Variants in ZNF343 observed in about 807,000 individuals in gnomAD.
ZNF343 encodes zinc finger protein 343.
In ZNF343, 11 loss-of-function variants were observed where a neutral mutation model predicts 13.8. The observed-to-expected ratio is 0.80, with a 90% CI of 0.50 to 1.32. The LOEUF (loss-of-function observed/expected upper bound fraction) is 1.32. Among genes scored for constraint, ZNF343 ranks in the 40% most tolerant of loss-of-function variants. ZNF343 has a pLI of 0.00. For missense variants in ZNF343, 658 were observed against 714.2 expected (o/e 0.92, Z 0.90); for synonymous variants, 248 against 260.0 (o/e 0.95, Z 0.44).
intron 2 of ZNF343, among the ~76,000 whole-genome samples, chr20:2,499,252 T>C (rs2085515362): frequency 6.8e-6 from 1 of 146,762 alleles, no homozygotes; most frequent in African/African-American, 2.5e-5. Flanking sequence ...GATCACGAGG[T>C]CAGGAGATCG....
chr20:2,499,203 C>T (rs370373954), intron 2 of ZNF343, among the ~76,000 whole-genome samples: 7 of 146,300 alleles, frequency 4.8e-5, no homozygotes, highest in South Asian at 2.1e-4. Context: ...CGGTGGCTCA[C>T]GCCTGTAATC....
In ZNF343 at chr20:2,483,991, G is replaced by A. The variant is rs773552713; in HGVS notation, c.970C>T (p.Pro324Ser). Residue 324 changes from proline (P) to serine (S), a missense_variant, in exon 6 of 6, where the codon CCT becomes TCT. By Grantham distance (74) the Pro-to-Ser change is moderately conservative. Transcript: ENST00000278772. ...TGCCCACACTCCCTGCACAAATAAGGCTTCTCTTCTGAATGTGTTCTCTGG... is the reference window on the plus strand; with the variant it reads ...TGCCCACACTCCCTGCACAAATAAGACTTCTCTTCTGAATGTGTTCTCTGG... ...RHQRTHSEEK[P>S]YLCRECGQSF... The A allele has an allele frequency of 3.1e-6, 5 of 1,614,144 alleles. No individual in the cohort carries two copies. Among genetic ancestry groups the A allele is most frequent in the Non-Finnish European group, 4.2e-6 (5 of 1,180,030 alleles).
chr20:2,523,667 G>A (rs2122768367), intron 1 of ZNF343, among the ~76,000 whole-genome samples: 1 of 144,308 alleles, frequency 6.9e-6, no homozygotes, highest in East Asian at 2.0e-4. Flanking sequence ...CCACTCCATA[G>A]CTATGTGTAC....
At position 2,483,454 on chromosome 20, in the gene ZNF343, TA is replaced by T; in HGVS notation, c.1506del (p.Phe502LeufsTer109). The T allele has an allele frequency of 6.2e-7, 1 of 1,608,554 alleles. No homozygotes were observed. ...HYVCRECRRG[F>X]SQKSNLIRHQ... The stretch of plus-strand genomic sequence containing the variant: ...TGTCTGATGAGATTTGACTTCTGGC[TA>T]AAACCTCGCCTACACTCCCTGCAGA... On this transcript the variant is annotated frameshift_variant, in exon 6 of 6. Transcript: ENST00000278772. LOFTEE classifies it low-confidence loss of function (END_TRUNC).
intron 1 of ZNF343, among the ~76,000 whole-genome samples, chr20:2,505,554 A>G (rs1015575002): frequency 6.6e-6 from 1 of 152,250 alleles, no homozygotes; most frequent in Non-Finnish European, 1.5e-5. Flanking sequence ...CTACGAGGCT[A>G]CAGTAACCAA....
Position 2,520,608 on chromosome 20 carries a change from T to C in ZNF343, c.-347+3847A>G, listed in dbSNP as rs1298705725. On this transcript the variant is annotated intron_variant, in intron 1 of 6. Transcript: ENST00000358413. Reference sequence around the variant, plus strand: ...TTCATTAATATACTGCTTATTTTATTTTATTTTATTTTACTAGATATGCTC... The same window carrying C: ...TTCATTAATATACTGCTTATTTTATCTTATTTTATTTTACTAGATATGCTC... 2.0e-5 allele frequency among the ~76,000 whole-genome samples: 3 copies of C among 152,176 alleles called. No individual in the cohort carries two copies. The East Asian group carries it at 5.8e-4, about 29-fold the overall frequency.
At chr20:2,510,030 C>G (rs2085728821), upstream of ZNF343, among the ~76,000 whole-genome samples, 1 of 152,218 alleles carries the variant, frequency 6.6e-6, no homozygotes, top group African/African-American at 2.4e-5. Context: ...AGATAGTGCC[C>G]TTATCTCCCT....
rs2085766901 is a variant in ZNF343 at position 2,518,035 on chromosome 20, A to T, written c.-347+6420T>A. Among the ~76,000 whole-genome samples, 1 of 147,344 alleles carries T rather than the reference A, an allele frequency of 6.8e-6. No homozygotes were observed. The highest frequency in any genetic ancestry group is 2.5e-5 in the African/African-American group (1 of 39,770). ...TTTTTCTCTCTTTTTTTTTTTCGAG[A>T]CAGAGTCTCACTCTGTTACCCAGGC... On this transcript the variant is annotated intron_variant, in intron 1 of 6. Transcript: ENST00000358413. The surrounding 1 kb of genome is among the most constrained non-coding windows in gnomAD (Gnocchi z 4.6).
Position 2,492,272 on chromosome 20 carries a change from A to G in ZNF343, c.304+427T>C, listed in dbSNP as rs558041935. ...TACTGGGCAGGTACATCCCTTCATT[A>G]AGGTCTTCGTGTCAATAATTCCCTT... On this transcript the variant is annotated intron_variant, in intron 5 of 5. Transcript: ENST00000278772. Among the ~76,000 whole-genome samples, 6 of 152,116 alleles carry G rather than the reference A, an allele frequency of 3.9e-5. No individual in the cohort carries two copies. The South Asian group carries it at 1.0e-3, about 26-fold the overall frequency.
chr20:2,500,898 G>C (rs1209243066), intron 1 of ZNF343, among the ~76,000 whole-genome samples, 156 bp from the exon 2 acceptor site: 1 of 152,220 alleles, frequency 6.6e-6, no homozygotes, highest in Non-Finnish European at 1.5e-5. Flanking sequence ...CGGAAGACAG[G>C]TGTTTTCTGC....
In ZNF343 at chr20:2,518,326, T is replaced by A. The variant is rs2085768496; in HGVS notation, c.-347+6129A>T. Reference sequence around the variant, plus strand: ...GCCACCGCGCCCAGCCTCAAAGATTTATTTCTATTTGGGAGAATTATAATG... The same window carrying A: ...GCCACCGCGCCCAGCCTCAAAGATTAATTTCTATTTGGGAGAATTATAATG... On this transcript the variant is annotated intron_variant, in intron 1 of 6. Coordinates refer to the ZNF343 transcript ENST00000358413. This position sits in a 1 kb window ranked among gnomAD's most constrained non-coding sequence, Gnocchi z 4.6. Among the ~76,000 whole-genome samples the A allele has an allele frequency of 6.6e-6, 1 of 152,218 alleles. No homozygotes were observed. Among genetic ancestry groups the A allele is most frequent in the Non-Finnish European group, 1.5e-5 (1 of 68,038 alleles).
rs1054693085 is a variant in ZNF343 at position 2,483,717 on chromosome 20, C to G, written c.1244G>C (p.Gly415Ala). Reference sequence around the variant, plus strand: ...ATCTGAGTTCTGGCTAAAGCCTCGCCCACACTCCCTGCAAACATAAGGCTT... The same window carrying G: ...ATCTGAGTTCTGGCTAAAGCCTCGCGCACACTCCCTGCAAACATAAGGCTT... ...GEKPYVCREC[G>A]RGFSQNSDLI... The change falls in exon 6 of 6, where the codon GGG becomes GCG. Residue 415 changes from glycine (G) to alanine (A), a missense_variant. Transcript: ENST00000278772. 5.0e-6 allele frequency: 8 copies of G among 1,613,898 alleles called. No homozygotes were observed. The African/African-American group carries it at 9.3e-5, about 19-fold the overall frequency.
At position 2,518,406 on chromosome 20, in the gene ZNF343, T is replaced by G. The variant is rs1485085775; in HGVS notation, c.-347+6049A>C. On this transcript the variant is annotated intron_variant, in intron 1 of 6. Coordinates refer to the ZNF343 transcript ENST00000358413. The surrounding 1 kb of genome is among the most constrained non-coding windows in gnomAD (Gnocchi z 4.6). ...TCATTGTCACATTGCTCTTAAAAGA[T>G]CCTTCTTATTGCCAGTTAGAGCAAA... is the stretch of plus-strand genomic sequence containing the variant. Among the ~76,000 whole-genome samples, 1 of 152,240 alleles carries G rather than the reference T, an allele frequency of 6.6e-6. No individual in the cohort carries two copies. The highest frequency in any genetic ancestry group is 1.5e-5 in the Non-Finnish European group (1 of 68,044).
upstream of ZNF343, among the ~76,000 whole-genome samples, chr20:2,513,831 G>C (rs2085748416): frequency 6.6e-6 from 1 of 152,214 alleles, no homozygotes. Flanking sequence ...TAACATGGAT[G>C]AACCTTGAAA....
chr20:2,501,592 C>T (rs547587695), intron 1 of ZNF343, among the ~76,000 whole-genome samples: 2 of 152,180 alleles, frequency 1.3e-5, no homozygotes, highest in East Asian at 1.9e-4. Context: ...CTCACATGGA[C>T]GGGTACTCCT....
intron 1 of ZNF343, among the ~76,000 whole-genome samples, chr20:2,519,964 A>G (rs2085775561): frequency 2.6e-5 from 4 of 152,214 alleles, no homozygotes; most frequent in Admixed American, 2.6e-4. Flanking sequence ...TTTCTCTAAT[A>G]CTGCTTAGAT....
chr20:2,501,445 G>A (rs1361867880), intron 1 of ZNF343, among the ~76,000 whole-genome samples: 1 of 152,164 alleles, frequency 6.6e-6, no homozygotes, highest in East Asian at 1.9e-4. Context: ...GTCCCTGTCT[G>A]ACAGCTTTGA....
At chr20:2,494,084 T>C (rs1416272137) in intron 2 of ZNF343, 40 bp from the exon 3 acceptor site, 2 of 588,258 alleles carry the variant, frequency 3.4e-6, no homozygotes, top group East Asian at 2.9e-5. Flanking sequence ...CTGGGGCTTT[T>C]ATTGTGGGCC....
chr20:2,507,535 C>T (rs1285191977), intron 1 of ZNF343, among the ~76,000 whole-genome samples: 1 of 151,320 alleles, frequency 6.6e-6, no homozygotes, highest in Non-Finnish European at 1.5e-5. Context: ...AGTTTTACCT[C>T]CCCAAAGCTC....
Sources: allele counts gnomAD v4.1 joint callset (sites outside exome capture counted in the v4.1 genomes callset), GRCh38; gene constraint gnomAD v4.1.1; non-coding constraint Gnocchi (gnomAD v3.1); transcripts MANE v1.5; gene names NCBI Gene and HGNC (gene_info 2026-07-23, HGNC 2026-07-21).